Variants in NBPF19 observed in about 807,000 individuals in gnomAD.
The protein encoded by NBPF19 is NBPF family member NBPF19.
Under a neutral mutation model 45.9 loss-of-function variants are expected in NBPF19, and 30 were observed. The ratio of observed to expected loss-of-function variants is 0.65; its 90% CI spans 0.49 to 0.89. The LOEUF (loss-of-function observed/expected upper bound fraction) is 0.89, where lower values mean the gene tolerates loss of function less well. Ranked by LOEUF, NBPF19 falls within the 40% of genes least tolerant of loss-of-function variation. The pLI is 0.00. For missense variants in NBPF19, 495 were observed against 471.8 expected (o/e 1.05, Z -0.46); for synonymous variants, 183 against 181.2 (o/e 1.01, Z -0.08).
rs1397995011 is a variant in NBPF19, at chr1:149,488,447, G to A, written c.1213+262G>A. On this transcript the variant is annotated intron_variant, in intron 10 of 93. Coordinates refer to ENST00000651566, the MANE Select transcript of NBPF19 (RefSeq NM_001351365.2). ...CTCATGACGTTGGACCTGGGCAGAT[G>A]TGACAAATTCACACAACTCTGATTT... 2.9e-5 allele frequency among the ~76,000 whole-genome samples: 4 copies of A among 136,566 alleles called. 1 individual carries two copies. Among genetic ancestry groups the A allele is most frequent in the Non-Finnish European group, 6.3e-5 (4 of 63,852 alleles). The allele number at this position is 136,566 out of a possible 152,430, so 89.6% of individuals were successfully genotyped here. A position where few individuals can be genotyped will look rare whatever the true frequency, so the allele number is the denominator to read the frequency against.
In NBPF19 at chr1:149,554,849, A is replaced by T; in HGVS notation, c.*111A>T. 1.3e-6 allele frequency: 2 copies of T among 1,556,930 alleles called. No individual in the cohort carries two copies. Among genetic ancestry groups the T allele is most frequent in the Non-Finnish European group, 1.8e-6 (2 of 1,142,730 alleles). On this transcript the variant is annotated 3_prime_UTR_variant, in exon 94 of 94. Coordinates refer to ENST00000651566, the MANE Select transcript of NBPF19 (RefSeq NM_001351365.2). ...TGGAAGCCCAGACATAGGATGGGTCAGTGGGCATGGCTCTTTTCCTATTCT... is the reference window on the plus strand; with the variant it reads ...TGGAAGCCCAGACATAGGATGGGTCTGTGGGCATGGCTCTTTTCCTATTCT...
At chr1:149,490,898 C>CTGTGTGTGTGTGTGTGTGTGTGCGTG (rs1480786378) in intron 13 of NBPF19, among the ~76,000 whole-genome samples, 1 of 124,710 alleles carries the variant, frequency 8.0e-6, no homozygotes, top group African/African-American at 3.2e-5. Flanking sequence ...CTCTCTCTCT[C>CTGTGTGTGTGTGTGTGTGTGTGCGTG]TGTGTGTGTG....
chr1:149,487,805 G>GTGTGTGTT lies in NBPF19; in HGVS notation c.1041-201_1041-200insTTGTGTGT, dbSNP rs1553710677. Among the ~76,000 whole-genome samples, 658 of 148,322 alleles carry GTGTGTGTT rather than the reference G, an allele frequency of 4.4e-3. 8 individuals are homozygous for GTGTGTGTT. Among genetic ancestry groups the GTGTGTGTT allele is most frequent in the Middle Eastern group, 0.014 (4 of 288 alleles). ...TGTGTGTGTGTGTGTGTGTGTGTGT[G>GTGTGTGTT]TGTGTGTGTGTGTGTGTGTCTTTCT... is the stretch of plus-strand genomic sequence containing the variant. On this transcript the variant is annotated intron_variant, in intron 9 of 93. Coordinates refer to ENST00000651566, the MANE Select transcript of NBPF19 (RefSeq NM_001351365.2).
chr1:149,554,728 T>G lies in NBPF19; in HGVS notation c.11522T>G (p.Phe3841Cys), dbSNP rs2101733759. 1.9e-6 allele frequency: 3 copies of G among 1,608,188 alleles called. No homozygotes were observed. The highest frequency in any genetic ancestry group is 2.2e-5 in the South Asian group (2 of 90,890). The change falls in exon 94 of 94, where the codon TTC becomes TGC. Residue 3841 changes from phenylalanine to cysteine, a missense_variant. Coordinates refer to ENST00000651566, the MANE Select transcript of NBPF19 (RefSeq NM_001351365.2). Reference protein sequence around the residue: ...LHLVFQMLVIFPQ With the variant: ...LHLVFQMLVICPQ ...CTGGTGTTCCAGATGTTAGTCATAT[T>G]CCCACAATAGGCAGCCCTTACTAAG...
At chr1:149,488,261 C>G in intron 10 of NBPF19, 76 bp downstream of exon 10, 1 of 563,882 alleles carries the variant, frequency 1.8e-6, no homozygotes, top group Non-Finnish European at 3.1e-6. Context: ...TGCAAGTGGC[C>G]CTTACTGAGC....
At chr1:149,486,553 C>T (rs1451124240) in intron 8 of NBPF19, among the ~76,000 whole-genome samples, 1 of 151,446 alleles carries the variant, frequency 6.6e-6, no homozygotes, top group African/African-American at 2.4e-5. Context: ...GAACTCAAGG[C>T]AGGTGTGGCA....
intron 3 of NBPF19, 26 bp from the exon 4 acceptor site, chr1:149,478,854 A>C: frequency 6.4e-7 from 1 of 1,573,000 alleles, no homozygotes; most frequent in South Asian, 1.1e-5. Flanking sequence ...TTCTACTCTT[A>C]AATTTTCTCT....
intron 8 of NBPF19, among the ~76,000 whole-genome samples, chr1:149,486,496 A>G (rs1296558660): frequency 6.6e-6 from 1 of 151,112 alleles, no homozygotes; most frequent in Non-Finnish European, 1.5e-5. Flanking sequence ...CTCTCTTCCT[A>G]GTCTCAGGCC....
rs1326115472 is a variant in NBPF19 at position 149,554,998 on chromosome 1, A to G, written c.*260A>G. The G allele has an allele frequency of 3.2e-6, 2 of 625,466 alleles. No individual in the cohort carries two copies. The highest frequency in any genetic ancestry group is 4.2e-5 in the South Asian group (2 of 48,112). The allele number at this position is 625,466 out of a possible 1,614,324, so 38.7% of individuals were successfully genotyped here. On this transcript the variant is annotated 3_prime_UTR_variant, in exon 94 of 94. Coordinates refer to ENST00000651566, the MANE Select transcript of NBPF19 (RefSeq NM_001351365.2). ...TCAGTCGGACATTTTAATTTGAACC[A>G]CGTATCTTTGGGTAGCTACAAAATT...
chr1:149,519,497 GTCTT>G (rs2086624149), intron 49 of NBPF19, among the ~76,000 whole-genome samples, 187 bp from the exon 50 acceptor site: 2 of 43,484 alleles, frequency 4.6e-5, no homozygotes, highest in African/African-American at 8.7e-5. Context: ...GTGTGTGTCT[GTCTT>G]TCTCTTTCAT....
rs1374326064 is a variant in NBPF19, at chr1:149,554,549, G to T, written c.11343G>T (p.Leu3781=). The change falls in exon 94 of 94, where the codon CTG becomes CTT. Residue 3781 remains leucine (L), a synonymous_variant. Transcript: ENST00000651566. ...AGCCTGAAGTCTTACAGGACTCACT[G>T]GATGGATGTTATTCGACTCCGTCAA... ...VEEPEVLQDS[L]DGCYSTPSMY... is the part of the protein sequence containing the mutation. 34 of 1,608,186 alleles carry T rather than the reference G, an allele frequency of 2.1e-5. 3 individuals carry two copies. Among genetic ancestry groups the T allele is most frequent in the East Asian group, 1.3e-4 (6 of 44,844 alleles).
chr1:149,555,208 C>T lies in NBPF19; in HGVS notation c.*470C>T, dbSNP rs1267205055. ...TCTGTAACACAGGAGGGATCCTTGG[C>T]TGAGGATTGTATTTCAGAACCACCA... On this transcript the variant is annotated 3_prime_UTR_variant, in exon 94 of 94. Coordinates refer to ENST00000651566, the MANE Select transcript of NBPF19 (RefSeq NM_001351365.2). 6.1e-5 allele frequency: 11 copies of T among 179,226 alleles called. No homozygotes were observed. The East Asian group carries it at 7.7e-4, about 12-fold the overall frequency. The allele number at this position is 179,226 out of a possible 1,614,324, so 11.1% of individuals were successfully genotyped here.
At chr1:149,487,717 C>T (rs2085658670) in intron 9 of NBPF19, among the ~76,000 whole-genome samples, 1 of 149,748 alleles carries the variant, frequency 6.7e-6, no homozygotes, top group Non-Finnish European at 1.5e-5. Flanking sequence ...AGCACAAATA[C>T]AGAGTGTCCT....
At chr1:149,478,402 C>T (rs1167488071) in intron 3 of NBPF19, among the ~76,000 whole-genome samples, 1 of 151,288 alleles carries the variant, frequency 6.6e-6, no homozygotes, top group Non-Finnish European at 1.5e-5. Flanking sequence ...TCCTGACTGA[C>T]TGCGTCTTCT....
At position 149,483,638 on chromosome 1, in the gene NBPF19, C is replaced by G. The variant is rs1346845675; in HGVS notation, c.824+1412C>G. On this transcript the variant is annotated intron_variant, in intron 7 of 93. Transcript: ENST00000651566. Reference sequence around the variant, plus strand: ...TTCTTCCTAGCGTCAATGGTCTTTACAGTTTGGCATGTTTTTGCAGTGGCT... The same window carrying G: ...TTCTTCCTAGCGTCAATGGTCTTTAGAGTTTGGCATGTTTTTGCAGTGGCT... Among the ~76,000 whole-genome samples the G allele has an allele frequency of 2.2e-4, 33 of 148,858 alleles. 1 individual carries two copies. The highest frequency in any genetic ancestry group is 1.6e-3 in the East Asian group (8 of 5,044).
intron 13 of NBPF19, among the ~76,000 whole-genome samples, chr1:149,490,882 TTC>T (rs1222642149): frequency 2.6e-4 from 32 of 122,454 alleles, no homozygotes; most frequent in South Asian, 3.0e-4. Context: ...ACTGAGCTCG[TTC>T]TCTCTCTCTC....
chr1:149,519,489 G>GTGTT (rs1466973064), intron 49 of NBPF19, among the ~76,000 whole-genome samples, 199 bp from the exon 50 acceptor site: 5 of 48,842 alleles, frequency 1.0e-4, no homozygotes, highest in Admixed American at 2.6e-4. Context: ...GTGTGTGTGT[G>GTGTT]TGTGTCTGTC....
At chr1:149,477,418 A>G (rs1488097620) in intron 2 of NBPF19, among the ~76,000 whole-genome samples, 1 of 151,368 alleles carries the variant, frequency 6.6e-6, no homozygotes, top group African/African-American at 2.4e-5. Context: ...TTATTGTCTT[A>G]TATCTCACAC....
chr1:149,487,490 A>T (rs2085614636), intron 9 of NBPF19, 107 bp downstream of exon 9: 1 of 994,266 alleles, frequency 1.0e-6, no homozygotes. Context: ...TTGTCAGACA[A>T]GTCTGAATTA....
Sources: gnomAD v4.1 joint callset for allele counts (sites outside exome capture counted in the v4.1 genomes callset) on GRCh38, gnomAD v4.1.1 for gene constraint, MANE v1.5 for transcripts, NCBI Gene and HGNC (gene_info 2026-07-23, HGNC 2026-07-21) for gene names.